The following EBF1 variants were observed in gnomAD, a reference collection of about 807,000 sequenced individuals.
EBF1 encodes the protein transcription factor COE1.
A neutral mutation model predicts 68.4 loss-of-function variants in EBF1; 10 were observed. The observed-to-expected ratio is 0.15, with a 90% CI of 0.09 to 0.25. The LOEUF (loss-of-function observed/expected upper bound fraction) is 0.25, where lower values mean the gene tolerates loss of function less well. EBF1 is among the 10% of genes least tolerant of loss of function. EBF1 has a pLI of 1.00. For missense variants in EBF1, 509 were observed against 794.4 expected, an observed-to-expected ratio of 0.64 and a Z score of 4.32; for synonymous variants, 298 against 299.8, an observed-to-expected ratio of 0.99 and a Z score of 0.06.
At chr5:158,726,110 A>C (rs1382612568) in intron 11 of EBF1, among the ~76,000 whole-genome samples, 1 of 152,206 alleles carries the variant, frequency 6.6e-6, no homozygotes, top group Non-Finnish European at 1.5e-5. Context: ...TAATGCTCGA[A>C]TGTATAAAAG....
intron 6 of EBF1, among the ~76,000 whole-genome samples, chr5:159,020,091 C>A (rs1372885543): frequency 6.6e-6 from 1 of 151,994 alleles, no homozygotes; most frequent in Non-Finnish European, 1.5e-5. Context: ...TTCAAAGGAC[C>A]CCTGTTGCCT....
chr5:159,066,643 A>G (rs1022086301), intron 6 of EBF1, among the ~76,000 whole-genome samples: 3 of 151,742 alleles, frequency 2.0e-5, no homozygotes, highest in African/African-American at 7.3e-5. Context: ...ACACACACAC[A>G]CACACACACA....
intron 4 of EBF1, among the ~76,000 whole-genome samples, chr5:159,094,165 CAAAAAAAAAAAAAAA>C (rs869228922): frequency 9.6e-4 from 21 of 21,880 alleles, no homozygotes; most frequent in African/African-American, 2.1e-3. Context: ...CCTTGGAAGG[CAAAAAAAAAAAAAAA>C]AAAAAAAAAA....
At chr5:158,943,331 T>TAC (rs59821779) in intron 6 of EBF1, among the ~76,000 whole-genome samples, 2,995 of 149,392 alleles carry the variant, frequency 0.02, 34 homozygotes, top group African/African-American at 0.035. Context: ...GTTTATTGGA[T>TAC]ACACACACAC....
chr5:159,006,356 C>T (rs935826350), intron 6 of EBF1, among the ~76,000 whole-genome samples: 2 of 151,962 alleles, frequency 1.3e-5, no homozygotes, highest in African/African-American at 2.4e-5. Context: ...GAGTCCTTCA[C>T]CCTTATCCCA....
At chr5:159,023,582 A>C (rs1184385408) in intron 6 of EBF1, among the ~76,000 whole-genome samples, 1 of 152,200 alleles carries the variant, frequency 6.6e-6, no homozygotes, top group East Asian at 1.9e-4. Context: ...GTGTATTGGC[A>C]AAGTTACAAA....
chr5:158,798,276 TGA>T, intron 8 of EBF1, among the ~76,000 whole-genome samples: 1 of 152,218 alleles, frequency 6.6e-6, no homozygotes, highest in East Asian at 1.9e-4. Flanking sequence ...GAATTGGTCT[TGA>T]GAGTCCTGAC....
intron 10 of EBF1, among the ~76,000 whole-genome samples, chr5:158,735,004 G>A (rs1160880434): frequency 1.3e-5 from 2 of 152,116 alleles, no homozygotes; most frequent in Non-Finnish European, 2.9e-5. Context: ...GCCAATGTAT[G>A]CATTTTAAAA....
At chr5:158,722,987 T>C (rs1762258003) in intron 11 of EBF1, among the ~76,000 whole-genome samples, 1 of 152,160 alleles carries the variant, frequency 6.6e-6, no homozygotes, top group South Asian at 2.1e-4. Context: ...CAGGGTATGA[T>C]ATGAAGTAAG....
chr5:159,064,996 T>C (rs111305412), intron 6 of EBF1, among the ~76,000 whole-genome samples: 6 of 138,742 alleles, frequency 4.3e-5, no homozygotes, highest in African/African-American at 1.6e-4. Flanking sequence ...CTGATGCAGG[T>C]CCATAGTTCT....
At chr5:159,099,210 G>T in intron 1 of EBF1, 135 bp downstream of exon 1, 1 of 607,908 alleles carries the variant, frequency 1.6e-6, no homozygotes, top group Non-Finnish European at 2.4e-6. Context: ...CCCCGGCGGA[G>T]AGCGGAGCGC....
chr5:159,001,781 C>T (rs1583831984), intron 6 of EBF1, among the ~76,000 whole-genome samples: 1 of 152,320 alleles, frequency 6.6e-6, no homozygotes, highest in South Asian at 2.1e-4. Flanking sequence ...CAGTTCACCA[C>T]AATATTGTTT....
chr5:159,063,679 C>A (rs1776258999), intron 6 of EBF1, among the ~76,000 whole-genome samples: 1 of 152,148 alleles, frequency 6.6e-6, no homozygotes, highest in African/African-American at 2.4e-5. Flanking sequence ...ATGAATGAGT[C>A]TTTATCTAAG....
chr5:158,811,982 T>C (rs944722918), intron 8 of EBF1, among the ~76,000 whole-genome samples: 3 of 152,182 alleles, frequency 2.0e-5, no homozygotes, highest in Non-Finnish European at 4.4e-5. Context: ...CTAAGCTCTC[T>C]TAGGAGTCTG....
chr5:159,066,853 T>C (rs568839906), intron 6 of EBF1, among the ~76,000 whole-genome samples: 28 of 152,162 alleles, frequency 1.8e-4, no homozygotes, highest in Non-Finnish European at 2.9e-4. Context: ...CCATATTTCA[T>C]TGATTGCAAT....
intron 2 of EBF1, 47 bp downstream of exon 2, chr5:159,096,927 C>T: frequency 1.2e-6 from 2 of 1,601,096 alleles, no homozygotes; most frequent in Non-Finnish European, 1.7e-6. Flanking sequence ...CGGGCCTGCT[C>T]CCGAGCCGAG....
chr5:159,078,119 T>G (rs1332615175), intron 5 of EBF1, among the ~76,000 whole-genome samples: 2 of 152,186 alleles, frequency 1.3e-5, no homozygotes, highest in Non-Finnish European at 2.9e-5. Context: ...GAAAGACTTC[T>G]TGTAGACTGA....
chr5:159,023,092 G>A (rs1014918364), intron 6 of EBF1, among the ~76,000 whole-genome samples: 2 of 151,932 alleles, frequency 1.3e-5, no homozygotes, highest in Non-Finnish European at 2.9e-5. Flanking sequence ...AAAGCTTGGG[G>A]CCATTAACAG....
At chr5:158,740,709 C>G (rs1766148262) in intron 10 of EBF1, among the ~76,000 whole-genome samples, 1 of 152,298 alleles carries the variant, frequency 6.6e-6, no homozygotes, top group Middle Eastern at 3.4e-3. Flanking sequence ...TAAATAGCAT[C>G]TTGATTTAAA....
Sources: gnomAD v4.1 joint callset for allele counts (sites outside exome capture counted in the v4.1 genomes callset) on GRCh38, gnomAD v4.1.1 for gene constraint, MANE v1.5 for transcripts, NCBI Gene and HGNC (gene_info 2026-07-23, HGNC 2026-07-21) for gene names.